Variants in KCNH1 observed in about 807,000 individuals in gnomAD.
KCNH1 encodes potassium voltage-gated channel subfamily H member 1.
In KCNH1, 27 loss-of-function variants were observed where a neutral mutation model predicts 69.2. The ratio of observed to expected loss-of-function variants is 0.39; its 90% CI spans 0.29 to 0.54. The LOEUF (loss-of-function observed/expected upper bound fraction) is 0.54, where lower values mean the gene tolerates loss of function less well. KCNH1 is among the 20% of genes least tolerant of loss of function. The pLI is 0.68. For synonymous variants in KCNH1, 456 were observed against 487.7 expected (o/e 0.93, Z 0.86); for missense variants, 798 against 1,261.6 (o/e 0.63, Z 5.57).
intron 6 of KCNH1, among the ~76,000 whole-genome samples, chr1:210,951,080 A>C (rs561765504): frequency 6.6e-6 from 1 of 152,330 alleles, no homozygotes; most frequent in East Asian, 1.9e-4. Context: ...AGAGAAGGGG[A>C]GTATTTCCAC....
At chr1:210,983,987 C>A (rs1688769971) in intron 6 of KCNH1, among the ~76,000 whole-genome samples, 1 of 152,158 alleles carries the variant, frequency 6.6e-6, no homozygotes, top group African/African-American at 2.4e-5. Context: ...GGGTCCTTCA[C>A]ATCCCTTGTT....
At chr1:210,901,951 T>C (rs1393567929) in intron 7 of KCNH1, among the ~76,000 whole-genome samples, 1 of 152,218 alleles carries the variant, frequency 6.6e-6, no homozygotes, top group African/African-American at 2.4e-5. Context: ...TTCCTGGCTC[T>C]TCTGCACAGC....
At chr1:210,991,013 G>T (rs1366770792) in intron 6 of KCNH1, among the ~76,000 whole-genome samples, 2 of 152,074 alleles carry the variant, frequency 1.3e-5, no homozygotes, top group Non-Finnish European at 2.9e-5. Flanking sequence ...GCTCCTTACT[G>T]TATAAAATGA....
Position 210,845,529 on chromosome 1 carries a change from C to T in KCNH1, c.1463-41363G>A, listed in dbSNP as rs551685787. On this transcript the variant is annotated intron_variant, in intron 7 of 10. Coordinates refer to ENST00000271751, the MANE Select transcript of KCNH1 (RefSeq NM_172362.3). ...AAAGGCCTTTGACAAAATTCAACAA[C>T]GCTTCATGCTAAACACTCTCAATAA... Among the ~76,000 whole-genome samples, 10 of 151,404 alleles carry T rather than the reference C, an allele frequency of 6.6e-5. No individual in the cohort carries two copies. In the East Asian group the frequency reaches 7.8e-4, roughly 12 times the overall value.
intron 10 of KCNH1, among the ~76,000 whole-genome samples, chr1:210,721,650 G>A (rs1682461626): frequency 6.6e-6 from 1 of 152,102 alleles, no homozygotes; most frequent in Non-Finnish European, 1.5e-5. Context: ...AGACATATCA[G>A]AAGCCGTAGA....
chr1:210,981,312 AACTACATCT>A (rs1330071571), intron 6 of KCNH1, among the ~76,000 whole-genome samples: 1 of 151,156 alleles, frequency 6.6e-6, no homozygotes, highest in African/African-American at 2.4e-5. Context: ...TTGCTTCAGC[AACTACATCT>A]AGTCCCAGGG....
chr1:210,764,086 C>A (rs1300640203), intron 10 of KCNH1, among the ~76,000 whole-genome samples: 1 of 152,088 alleles, frequency 6.6e-6, no homozygotes, highest in African/African-American at 2.4e-5. Context: ...ACTAACTGGT[C>A]TTTGACAAAG....
chr1:210,803,094 T>C (rs1027364423), intron 8 of KCNH1, among the ~76,000 whole-genome samples: 4 of 152,198 alleles, frequency 2.6e-5, no homozygotes, highest in Non-Finnish European at 4.4e-5. Context: ...GGATTGTTTT[T>C]AGTAATGACA....
intron 7 of KCNH1, chr1:210,862,119 TG>T: frequency 8.2e-7 from 1 of 1,220,228 alleles, no homozygotes; most frequent in Non-Finnish European, 1.2e-6. Flanking sequence ...AGATAACACC[TG>T]CCTGTCTCAC....
chr1:211,036,288 C>T (rs760323345), intron 5 of KCNH1, among the ~76,000 whole-genome samples: 11 of 152,152 alleles, frequency 7.2e-5, no homozygotes, highest in Non-Finnish European at 1.2e-4. Context: ...ATGCAGTGTT[C>T]TGGTGAGTTT....
At chr1:210,916,197 C>T (rs1003322074) in intron 7 of KCNH1, among the ~76,000 whole-genome samples, 1 of 152,114 alleles carries the variant, frequency 6.6e-6, no homozygotes, top group South Asian at 2.1e-4. Context: ...AAAGAGAACT[C>T]GGTAAATCTA....
Position 210,842,703 on chromosome 1 carries a change from C to A in KCNH1, c.1463-38537G>T, listed in dbSNP as rs746701096. Reference sequence around the variant, plus strand: ...GATGAGGTTGACAACCCTAATAGACCCACATTCTAGATCATTAGTGCAAGA... The same window carrying A: ...GATGAGGTTGACAACCCTAATAGACACACATTCTAGATCATTAGTGCAAGA... On this transcript the variant is annotated intron_variant, in intron 7 of 10. Coordinates refer to ENST00000271751, the MANE Select transcript of KCNH1 (RefSeq NM_172362.3). 2.6e-5 allele frequency among the ~76,000 whole-genome samples: 4 copies of A among 152,164 alleles called. No individual in the cohort carries two copies. In the East Asian group the frequency reaches 7.7e-4, roughly 29 times the overall value.
In KCNH1 at chr1:210,684,066, G is replaced by A. The variant is rs1558421540; in HGVS notation, c.2185C>T (p.Leu729=). ...ERMKRKNEAP[L]ILPPDHPVRR... ...ACAGGGTGGTCCGGGGGCAAGATCA[G>A]GGGGGCCTCATTCTTTCGTTTCATG... The change falls in exon 11 of 11, where the codon CTG becomes TTG. Residue 729 remains leucine, a synonymous_variant. Transcript: ENST00000271751. 1 of 1,525,980 alleles carries A rather than the reference G, an allele frequency of 6.6e-7. No individual in the cohort carries two copies. The highest frequency in any genetic ancestry group is 8.8e-7 in the Non-Finnish European group (1 of 1,137,090). 94.5% of individuals were successfully genotyped at this position (1,525,980 alleles called of 1,614,324 possible). A position where few individuals can be genotyped will look rare whatever the true frequency, so the allele number is the denominator to read the frequency against.
At chr1:210,867,177 T>A (rs1042727975) in intron 7 of KCNH1, among the ~76,000 whole-genome samples, 1 of 151,998 alleles carries the variant, frequency 6.6e-6, no homozygotes, top group African/African-American at 2.4e-5. Flanking sequence ...ATGAAAATGT[T>A]CTGAAATTGA....
At position 210,788,923 on chromosome 1, in the gene KCNH1, C is replaced by T. The variant is rs192250422; in HGVS notation, c.1915+8585G>A. On this transcript the variant is annotated intron_variant, in intron 9 of 10. Coordinates refer to ENST00000271751, the MANE Select transcript of KCNH1 (RefSeq NM_172362.3). ...GTTTTAGCCGGGATGGTCTCGATCT[C>T]CTGACCTCGTGATCCGCCCGCCTCG... 2.5e-3 allele frequency among the ~76,000 whole-genome samples: 386 copies of T among 151,680 alleles called. 9 individuals carry two copies. Among genetic ancestry groups the T allele is most frequent in the African/African-American group, 8.9e-3 (367 of 41,186 alleles).
chr1:210,690,006 C>T (rs547452084), intron 10 of KCNH1, among the ~76,000 whole-genome samples: 1 of 152,210 alleles, frequency 6.6e-6, no homozygotes, highest in Admixed American at 6.5e-5. Flanking sequence ...AGCATGGCCA[C>T]ACACACCAGC....
chr1:210,722,035 C>T (rs1558440460), intron 10 of KCNH1, among the ~76,000 whole-genome samples: 2 of 152,174 alleles, frequency 1.3e-5, no homozygotes. Context: ...GGGCATGTAG[C>T]AGTTTCCCCA....
intron 1 of KCNH1, among the ~76,000 whole-genome samples, chr1:211,122,798 G>T (rs1210610104): frequency 1.3e-5 from 2 of 152,166 alleles, no homozygotes; most frequent in Non-Finnish European, 2.9e-5. Flanking sequence ...GACACAGAGA[G>T]GGGAACAACA....
intron 6 of KCNH1, among the ~76,000 whole-genome samples, chr1:210,999,046 C>A (rs865880265): frequency 6.6e-6 from 1 of 151,972 alleles, no homozygotes; most frequent in Admixed American, 6.6e-5. Context: ...CACTACATGC[C>A]CACAAGAGAA....
Sources: gnomAD v4.1 joint callset for allele counts (sites outside exome capture counted in the v4.1 genomes callset) on GRCh38, gnomAD v4.1.1 for gene constraint, MANE v1.5 for transcripts, NCBI Gene and HGNC (gene_info 2026-07-23, HGNC 2026-07-21) for gene names.